The following APBA3 variants were observed in gnomAD, a reference collection of about 807,000 sequenced individuals.
APBA3 encodes amyloid beta precursor protein binding family A member 3, also known as amyloid-beta A4 precursor protein-binding family A member 3.
A neutral mutation model predicts 55.9 loss-of-function variants in APBA3; 45 were observed. The observed-to-expected ratio is 0.80, with a 90% CI of 0.63 to 1.03. APBA3 has a LOEUF of 1.03. Ranked by LOEUF, APBA3 falls within the 50% of genes least tolerant of loss-of-function variation. The pLI, the probability that APBA3 is intolerant of heterozygous loss-of-function variation, is 0.00. For synonymous variants in APBA3, 370 were observed against 353.3 expected (o/e 1.05, Z -0.53); for missense variants, 865 against 820.3 (o/e 1.05, Z -0.67).
intron 6 of APBA3, 148 bp from the exon 7 acceptor site, chr19:3,753,138 A>G: frequency 2.2e-6 from 2 of 896,500 alleles, no homozygotes; most frequent in Non-Finnish European, 3.3e-6. Context: ...GCTTTGGGGG[A>G]GGTGGAGAGA....
At chr19:3,753,183 A>C in intron 6 of APBA3, 193 bp from the exon 7 acceptor site, 1 of 641,930 alleles carries the variant, frequency 1.6e-6, no homozygotes, top group Non-Finnish European at 2.6e-6. Context: ...GGGAGAAGGA[A>C]GGGGAGGGGC....
chr19:3,760,710 T>C (rs1032057359), intron 1 of APBA3, among the ~76,000 whole-genome samples: 1 of 149,960 alleles, frequency 6.7e-6, no homozygotes, highest in Non-Finnish European at 1.5e-5. Flanking sequence ...GATCGCGCCA[T>C]TGCACTCCAA....
chr19:3,759,752 G>C lies in APBA3; in HGVS notation c.513C>G (p.Ser171=), dbSNP rs1445881986. 6 of 1,612,518 alleles carry C rather than the reference G, an allele frequency of 3.7e-6. No individual in the cohort carries two copies. Among genetic ancestry groups the C allele is most frequent in the Non-Finnish European group, 5.1e-6 (6 of 1,179,828 alleles). The part of the protein sequence containing the change: ...EQEGSRSSSS[S]PEPWLETVPL... The stretch of plus-strand genomic sequence containing the variant: ...GCACCGTCTCCAGCCAGGGTTCCGG[G>C]GAACTGCTTGAGCTCCTGCTGCCCT... Residue 171 remains serine (S), a synonymous_variant, in exon 2 of 11, where the codon TCC becomes TCG. Coordinates refer to ENST00000316757, the MANE Select transcript of APBA3 (RefSeq NM_004886.4).
At chr19:3,754,501 G>C (rs2037052978) in intron 3 of APBA3, 161 bp from the exon 4 acceptor site, 1 of 959,556 alleles carries the variant, frequency 1.0e-6, no homozygotes, top group Admixed American at 3.3e-5. Context: ...AACCATCCAA[G>C]CAGCCTGGCC....
intron 6 of APBA3, chr19:3,753,324 TC>T (rs2037033469): frequency 2.3e-6 from 1 of 435,154 alleles, no homozygotes; most frequent in Admixed American, 3.9e-5. Flanking sequence ...GGGCAAGGTT[TC>T]GGGGAGTCGG....
At chr19:3,752,446 C>G (rs994560554) in intron 8 of APBA3, 62 bp downstream of exon 8, 3 of 1,452,972 alleles carry the variant, frequency 2.1e-6, no homozygotes, top group Non-Finnish European at 2.8e-6. Flanking sequence ...GGGAGGAGAC[C>G]TCTCTGGGAC....
In APBA3 at chr19:3,760,041, G is replaced by C; in HGVS notation, c.224C>G (p.Ser75Cys). ...EALPGDLVGP[S>C]PGGAPCPLHI... ...TAGGGGACAGGGGGCTCCACCTGGG[G>C]ATGGGCCCACCAGATCGCCTGGCAG... The change falls in exon 2 of 11, where the codon TCC becomes TGC. Residue 75 changes from serine (S) to cysteine (C), a missense_variant. Physicochemically the swap from Ser to Cys is moderately radical, Grantham distance 112. Transcript: ENST00000316757. 1 of 1,613,268 alleles carries C rather than the reference G, an allele frequency of 6.2e-7. No homozygotes were observed. The highest frequency in any genetic ancestry group is 8.5e-7 in the Non-Finnish European group (1 of 1,180,000).
At chr19:3,755,551 T>C (rs1599174030) in intron 3 of APBA3, 1 of 60,464 alleles carries the variant, frequency 1.7e-5, no homozygotes, top group South Asian at 6.9e-4. Flanking sequence ...CCCAGCACTT[T>C]AGGAGGCCGG....
At chr19:3,755,566 G>GT (rs1555743096) in intron 3 of APBA3, 1 of 141,504 alleles carries the variant, frequency 7.1e-6, no homozygotes, top group Non-Finnish European at 1.6e-5. Flanking sequence ...GGCCGGGGGG[G>GT]GGGGGTGGAT....
At chr19:3,757,399 T>C (rs2037090422) in intron 3 of APBA3, among the ~76,000 whole-genome samples, 1 of 151,596 alleles carries the variant, frequency 6.6e-6, no homozygotes, top group Non-Finnish European at 1.5e-5. Context: ...GAGCCACCCT[T>C]CCCGGCCAGA....
rs1305442926 is a variant in APBA3, at chr19:3,751,302, C to T, written c.1543G>A (p.Ala515Thr). 17 of 1,538,440 alleles carry T rather than the reference C, an allele frequency of 1.1e-5. No individual in the cohort carries two copies. Among genetic ancestry groups the T allele is most frequent in the East Asian group, 2.4e-5 (1 of 40,998 alleles). Residue 515 changes from alanine (A) to threonine (T), a missense_variant, in exon 10 of 11, where the codon GCC (alanine) becomes ACC (threonine). Ala to Thr is a moderately conservative substitution (Grantham distance 58, BLOSUM62 0). Coordinates refer to ENST00000316757, the MANE Select transcript of APBA3 (RefSeq NM_004886.4). ...CCGACGCGGATGCCCCCACGCTCGG[C>T]GATGCCACCACGGAGGAGGCTGCAG... is the stretch of plus-strand genomic sequence containing the variant. ...IICSLLRGGI[A>T]ERGGIRVGHR... is the part of the protein sequence containing the mutation.
intron 3 of APBA3, 54 bp from the exon 4 acceptor site, chr19:3,754,394 T>C: frequency 6.6e-7 from 1 of 1,522,134 alleles, no homozygotes; most frequent in Non-Finnish European, 8.8e-7. Context: ...CCACAGGCTC[T>C]GCCCCAGGGC....
At chr19:3,759,632 G>C in intron 2 of APBA3, 32 bp from the exon 3 acceptor site, 1 of 1,603,892 alleles carries the variant, frequency 6.2e-7, no homozygotes, top group Non-Finnish European at 8.5e-7. Context: ...GCAGGACTGA[G>C]TCTCCCTGCT....
In APBA3 at chr19:3,754,078, T is replaced by C; in HGVS notation, c.790A>G (p.Thr264Ala). The change falls in exon 5 of 11, where the codon ACG becomes GCG. Residue 264 changes from threonine to alanine, a missense_variant. Transcript: ENST00000316757. The stretch of plus-strand genomic sequence containing the variant: ...GTGGAGACGAACAGGTCCACCTCCG[T>C]CATGGGCTGGGTCTCCCCATCGGGG... ...KAPDGETQPM[T>A]EVDLFVSTKR... The C allele has an allele frequency of 6.2e-7, 1 of 1,609,528 alleles. No individual in the cohort carries two copies. Among genetic ancestry groups the C allele is most frequent in the Non-Finnish European group, 8.5e-7 (1 of 1,178,108 alleles).
At chr19:3,759,308 CGAT>C (rs749370526) in intron 3 of APBA3, among the ~76,000 whole-genome samples, 75 of 152,318 alleles carry the variant, frequency 4.9e-4, no homozygotes, top group East Asian at 1.9e-3. Context: ...GGCCCGACGA[CGAT>C]GATTTGCCAA....
intron 8 of APBA3, 85 bp from the exon 9 acceptor site, chr19:3,751,638 C>T: frequency 6.9e-7 from 1 of 1,447,836 alleles, no homozygotes; most frequent in Non-Finnish European, 9.2e-7. Flanking sequence ...TTTACCCTCT[C>T]ATAAACCAGA....
chr19:3,752,526 C>T lies in APBA3; in HGVS notation c.1377G>A (p.Ala459=), dbSNP rs935046625. The T allele has an allele frequency of 2.1e-5, 34 of 1,582,128 alleles. No individual in the cohort carries two copies. Among genetic ancestry groups the T allele is most frequent in the East Asian group, 2.1e-4 (9 of 43,886 alleles). Residue 459 remains alanine, a synonymous_variant, in exon 8 of 11, where the codon GCG becomes GCA. Coordinates refer to ENST00000316757, the MANE Select transcript of APBA3 (RefSeq NM_004886.4). ...GTSLVGLPLA[A]CQAAVRETKS... is the part of the protein sequence containing the mutation. ...AACTCACGCGGACAGCGGCCTGGCA[C>T]GCAGCCAGGGGCAGCCCCACCAGGC...
chr19:3,757,704 A>C (rs1324286934), intron 3 of APBA3, among the ~76,000 whole-genome samples: 3 of 152,162 alleles, frequency 2.0e-5, no homozygotes, highest in African/African-American at 7.2e-5. Flanking sequence ...TGAAAAAAAA[A>C]GTCTAGAACA....
chr19:3,752,657 A>T lies in APBA3; in HGVS notation c.1246T>A (p.Ser416Thr), dbSNP rs2037023329. 7 of 1,590,106 alleles carry T rather than the reference A, an allele frequency of 4.4e-6. No homozygotes were observed. The highest frequency in any genetic ancestry group is 6.0e-6 in the Non-Finnish European group (7 of 1,174,076). The change falls in exon 8 of 11, where the codon TCC (serine) becomes ACC (threonine). Residue 416 changes from serine to threonine, a missense_variant. By Grantham distance (58) the Ser-to-Thr change is moderately conservative. Transcript: ENST00000316757. Reference sequence around the variant, plus strand: ...GCGATGACGGCTGTGGGCAGCAGGGAGCCCCAGCCCGACTCCACCAGGGCC... The same window carrying T: ...GCGATGACGGCTGTGGGCAGCAGGGTGCCCCAGCCCGACTCCACCAGGGCC... ...GVALVESGWG[S>T]LLPTAVIANL...
Sources: allele counts gnomAD v4.1 joint callset (sites outside exome capture counted in the v4.1 genomes callset), GRCh38; gene constraint gnomAD v4.1.1; transcripts MANE v1.5; gene names NCBI Gene and HGNC (gene_info 2026-07-23, HGNC 2026-07-21).